Variants in RSRC2 observed in about 807,000 individuals in gnomAD.
The protein encoded by RSRC2 is arginine and serine rich coiled-coil 2.
In RSRC2, 5 loss-of-function variants were observed where a neutral mutation model predicts 61.3. That is an observed-to-expected ratio of 0.08 (90% CI 0.04 to 0.17). RSRC2 has a LOEUF of 0.17. Ranked by LOEUF, RSRC2 falls within the 10% of genes least tolerant of loss-of-function variation. The probability of loss-of-function intolerance (pLI) is 1.00; values close to 1 mark genes in which losing one functional copy is unlikely to be tolerated. For synonymous variants in RSRC2, 202 were observed against 166.5 expected (o/e 1.21, Z -1.64); for missense variants, 381 against 518.8 (o/e 0.73, Z 2.58).
Position 122,526,875 on chromosome 12 carries a change from G to C in RSRC2, c.-22C>G, listed in dbSNP as rs778778190. The C allele has an allele frequency of 1.1e-5, 17 of 1,613,958 alleles. No individual in the cohort carries two copies. The highest frequency in any genetic ancestry group is 1.1e-5 in the South Asian group (1 of 91,090). On this transcript the variant is annotated 5_prime_UTR_variant, in exon 1 of 10. Transcript: ENST00000331738. Reference sequence around the variant, plus strand: ...CCATAGTTCAGAGTCCCGGCCGCTAGAGCGGCGCCTCCACTTGTCGCTTTC... The same window carrying C: ...CCATAGTTCAGAGTCCCGGCCGCTACAGCGGCGCCTCCACTTGTCGCTTTC...
chr12:122,512,798 A>C (rs1359493523), intron 6 of RSRC2, among the ~76,000 whole-genome samples: 2 of 152,136 alleles, frequency 1.3e-5, no homozygotes, highest in East Asian at 1.9e-4. Flanking sequence ...AACAAGCTAT[A>C]ATTTTATTCC....
Position 122,506,919 on chromosome 12 carries a change from T to G in RSRC2, c.1040A>C (p.Lys347Thr). The change falls in exon 9 of 10, where the codon AAA becomes ACA. Residue 347 changes from lysine to threonine, a missense_variant. Physicochemically the swap from Lys to Thr is moderately conservative, Grantham distance 78. Transcript: ENST00000331738. ...TTCCCATATTTCAGCAGATTGGGAT[T>G]TGTCCTGTTAACAAACACTGAACTT... ...MLWQGKKEGD[K>T]SQSAEIWEKL... The G allele has an allele frequency of 6.3e-7, 1 of 1,588,226 alleles. No individual in the cohort carries two copies. Among genetic ancestry groups the G allele is most frequent in the Non-Finnish European group, 8.6e-7 (1 of 1,156,960 alleles).
At chr12:122,514,493 T>C in intron 6 of RSRC2, 1 of 593,692 alleles carries the variant, frequency 1.7e-6, no homozygotes, top group Non-Finnish European at 2.1e-6. Flanking sequence ...TCCCAACTCC[T>C]GACCTCAAGT....
chr12:122,517,497 A>T, intron 4 of RSRC2, 67 bp from the exon 5 acceptor site: 1 of 1,589,564 alleles, frequency 6.3e-7, no homozygotes, highest in South Asian at 1.1e-5. Context: ...ACACATCATG[A>T]ATTAGTTACT....
rs1958034514 is a variant in RSRC2 at position 122,505,031 on chromosome 12, C to T, written c.*496G>A. ...TATAAAACAAATTCAAAGAAACATC[C>T]CAGGTAACTTAAATTAACACCAGTT... On this transcript the variant is annotated 3_prime_UTR_variant, in exon 10 of 10. Transcript: ENST00000331738. 1 of 152,622 alleles carries T rather than the reference C, an allele frequency of 6.6e-6. No individual in the cohort carries two copies. The highest frequency in any genetic ancestry group is 6.5e-5 in the Admixed American group (1 of 15,272). 9.5% of individuals were successfully genotyped at this position (152,622 alleles called of 1,614,324 possible).
chr12:122,517,440 A>G lies in RSRC2; in HGVS notation c.399-10T>C. 4 of 1,614,004 alleles carry G rather than the reference A, an allele frequency of 2.5e-6. No individual in the cohort carries two copies. The highest frequency in any genetic ancestry group is 3.4e-6 in the Non-Finnish European group (4 of 1,179,936). On this transcript the variant is annotated splice_polypyrimidine_tract_variant and intron_variant, in intron 4 of 9. Coordinates refer to ENST00000331738, the MANE Select transcript of RSRC2 (RefSeq NM_023012.6). ...TCTACTACGATGGCGTCTGAAATTAAAGTGCACAAATTTGTAATTACTTAA... is the reference window on the plus strand; with the variant it reads ...TCTACTACGATGGCGTCTGAAATTAGAGTGCACAAATTTGTAATTACTTAA...
chr12:122,515,113 T>C lies in RSRC2; in HGVS notation c.717A>G (p.Leu239=). The change falls in exon 6 of 10, where the codon TTA becomes TTG. Residue 239 remains leucine (L), a synonymous_variant. Transcript: ENST00000331738. Reference sequence around the variant, plus strand: ...TTAAGAAATATACACACCTTCTAGCTAAAGCTTCCTGTGCATCCATTGCTG... The same window carrying C: ...TTAAGAAATATACACACCTTCTAGCCAAAGCTTCCTGTGCATCCATTGCTG... ...RNTAMDAQEA[L]ARRLERAKKL... 6.2e-7 allele frequency: 1 copy of C among 1,613,754 alleles called. No individual in the cohort carries two copies. The highest frequency in any genetic ancestry group is 8.5e-7 in the Non-Finnish European group (1 of 1,179,882).
chr12:122,505,782 G>GTT, intron 9 of RSRC2, 76 bp from the exon 10 acceptor site: 4 of 1,313,336 alleles, frequency 3.0e-6, no homozygotes, highest in South Asian at 2.9e-5. Context: ...TATTTTTTAT[G>GTT]TATTTTTTTT....
intron 3 of RSRC2, chr12:122,520,903 C>T (rs545153776): frequency 4.1e-6 from 1 of 242,514 alleles, no homozygotes; most frequent in Non-Finnish European, 8.3e-6. Flanking sequence ...GTCCCTCACT[C>T]AAACCTTTAT....
At chr12:122,506,614 GTC>G (rs771476821) in intron 9 of RSRC2, 3,739 of 425,784 alleles carry the variant, frequency 8.8e-3, no homozygotes, top group South Asian at 0.012. Context: ...GCAAAACCCC[GTC>G]TCTCTCTCTC....
chr12:122,510,994 C>T (rs1037279673), intron 7 of RSRC2, 115 bp downstream of exon 7: 47 of 698,608 alleles, frequency 6.7e-5, no homozygotes, highest in Middle Eastern at 2.5e-4. Context: ...GGCTACCATG[C>T]GCTATGCTGG....
At position 122,508,439 on chromosome 12, in the gene RSRC2, T is replaced by C. The variant is rs1391018702; in HGVS notation, c.814A>G (p.Thr272Ala). 2 of 1,612,712 alleles carry C rather than the reference T, an allele frequency of 1.2e-6. No individual in the cohort carries two copies. ...KQQEIAAAAA[T>A]GGSVLNVAAL... ...GCAACATTGAGAACAGAACCTCCAGTAGCTGCAGCTGCTTGAAGAGAATAC... is the reference window on the plus strand; with the variant it reads ...GCAACATTGAGAACAGAACCTCCAGCAGCTGCAGCTGCTTGAAGAGAATAC... The change falls in exon 8 of 10, where the codon ACT (threonine) becomes GCT (alanine). Residue 272 changes from threonine to alanine, a missense_variant. Coordinates refer to ENST00000331738, the MANE Select transcript of RSRC2 (RefSeq NM_023012.6).
intron 7 of RSRC2, 135 bp from the exon 8 acceptor site, chr12:122,508,582 A>G: frequency 1.5e-6 from 1 of 668,188 alleles, no homozygotes; most frequent in South Asian, 1.9e-5. Context: ...CAAGGAAATG[A>G]CTGAGTATTA....
At position 122,505,369 on chromosome 12, in the gene RSRC2, A is replaced by G. The variant is rs1198722313; in HGVS notation, c.*158T>C. The G allele has an allele frequency of 1.7e-6, 1 of 594,238 alleles. No individual in the cohort carries two copies. The highest frequency in any genetic ancestry group is 2.9e-6 in the Non-Finnish European group (1 of 345,854). 36.8% of individuals were successfully genotyped at this position (594,238 alleles called of 1,614,324 possible). On this transcript the variant is annotated 3_prime_UTR_variant, in exon 10 of 10. Transcript: ENST00000331738. The stretch of plus-strand genomic sequence containing the variant: ...TTAACCTGATTACAACACTAACACC[A>G]GTATCACTGATCTGATATTTACAAA...
intron 5 of RSRC2, among the ~76,000 whole-genome samples, chr12:122,515,603 G>A (rs551158726): frequency 9.3e-4 from 141 of 152,292 alleles, no homozygotes; most frequent in African/African-American, 3.3e-3. Flanking sequence ...GCTCTTGTAG[G>A]TCAATATGTA....
chr12:122,515,555 A>G (rs188045743), intron 5 of RSRC2, among the ~76,000 whole-genome samples: 1 of 152,294 alleles, frequency 6.6e-6, no homozygotes, highest in East Asian at 1.9e-4. Context: ...AGTATATCCA[A>G]TGTTGGAAAA....
intron 6 of RSRC2, among the ~76,000 whole-genome samples, chr12:122,511,479 G>C (rs1395308238): frequency 6.6e-6 from 1 of 152,150 alleles, no homozygotes; most frequent in African/African-American, 2.4e-5. Flanking sequence ...ATTACGTCTT[G>C]CAAGTAACAT....
chr12:122,506,023 C>T (rs1352125408), intron 9 of RSRC2, among the ~76,000 whole-genome samples: 2 of 152,090 alleles, frequency 1.3e-5, no homozygotes, highest in Non-Finnish European at 2.9e-5. Context: ...AGGGATCCCC[C>T]CTGCCGCCTG....
At chr12:122,509,174 C>A (rs150612416) in intron 7 of RSRC2, among the ~76,000 whole-genome samples, 1 of 151,802 alleles carries the variant, frequency 6.6e-6, no homozygotes, top group African/African-American at 2.4e-5. Flanking sequence ...TAAGGCTGGG[C>A]GCAGTGGCTC....
Sources: allele counts gnomAD v4.1 joint callset (sites outside exome capture counted in the v4.1 genomes callset), GRCh38; gene constraint gnomAD v4.1.1; transcripts MANE v1.5; gene names NCBI Gene and HGNC (gene_info 2026-07-23, HGNC 2026-07-21).